The following OPCML variants were observed in gnomAD, a reference collection of about 807,000 sequenced individuals.
OPCML encodes opioid binding protein/cell adhesion molecule like.
Under a neutral mutation model 37.8 loss-of-function variants are expected in OPCML, and 13 were observed. That is an observed-to-expected ratio of 0.34 (90% CI 0.22 to 0.55). The LOEUF (loss-of-function observed/expected upper bound fraction) is 0.55, where lower values mean the gene tolerates loss of function less well. Ranked by LOEUF, OPCML falls within the 20% of genes least tolerant of loss-of-function variation. The pLI is 0.91. For synonymous variants in OPCML, 176 were observed against 168.8 expected, an observed-to-expected ratio of 1.04 and a Z score of -0.33; for missense variants, 341 against 435.6, an observed-to-expected ratio of 0.78 and a Z score of 1.93.
At chr11:133,303,302 C>G (rs1306780050) in intron 1 of OPCML, among the ~76,000 whole-genome samples, 1 of 152,078 alleles carries the variant, frequency 6.6e-6, no homozygotes, top group Non-Finnish European at 1.5e-5. Flanking sequence ...AGTATTTAAG[C>G]ATGTAGATCC....
At chr11:132,769,509 C>T (rs914542300) in intron 2 of OPCML, among the ~76,000 whole-genome samples, 12 of 152,184 alleles carry the variant, frequency 7.9e-5, no homozygotes, top group African/African-American at 2.9e-4. Context: ...TGAACCCTCC[C>T]ATAGCTCACA....
chr11:133,204,000 T>C (rs945616739), intron 1 of OPCML, among the ~76,000 whole-genome samples: 3 of 139,910 alleles, frequency 2.1e-5, no homozygotes, highest in Admixed American at 7.8e-5. Context: ...GGAGCTTGCA[T>C]TGAGCCGAGA....
chr11:133,199,356 T>G (rs1486141954), intron 1 of OPCML, among the ~76,000 whole-genome samples: 2 of 152,248 alleles, frequency 1.3e-5, no homozygotes, highest in Non-Finnish European at 2.9e-5. Flanking sequence ...TATTGTCTTA[T>G]AAGTAATAAA....
In OPCML at chr11:132,592,146, C is replaced by T. The variant is rs145286840; in HGVS notation, c.380-62960G>A. Among the ~76,000 whole-genome samples the T allele has an allele frequency of 7.0e-4, 106 of 152,276 alleles. 1 individual carries two copies. The highest frequency in any genetic ancestry group is 2.3e-3 in the African/African-American group (95 of 41,554). The stretch of plus-strand genomic sequence containing the variant: ...ATCAACTCATCAAGTCAAAGTGAGA[C>T]GGAAGCCTCTCTCTAGGCTTTGTCT... On this transcript the variant is annotated intron_variant, in intron 3 of 7. Coordinates refer to ENST00000524381, the MANE Select transcript of OPCML (RefSeq NM_001012393.5).
chr11:133,192,874 T>TC (rs201032097), intron 1 of OPCML, among the ~76,000 whole-genome samples: 6 of 151,730 alleles, frequency 4.0e-5, no homozygotes, highest in South Asian at 2.1e-4. Context: ...TCTTTTCTTT[T>TC]TTTTTTTTTT....
chr11:133,358,344 T>G (rs1944337729), intron 1 of OPCML, among the ~76,000 whole-genome samples: 1 of 152,204 alleles, frequency 6.6e-6, no homozygotes, highest in African/African-American at 2.4e-5. Flanking sequence ...GGGCTCTGAC[T>G]AGATACTTGA....
intron 1 of OPCML, among the ~76,000 whole-genome samples, chr11:133,274,376 G>A (rs1250105016): frequency 6.6e-6 from 1 of 152,190 alleles, no homozygotes; most frequent in African/African-American, 2.4e-5. Flanking sequence ...AAGACACAGA[G>A]ACAGAGACGT....
At chr11:133,128,836 A>C (rs1435867172) in intron 1 of OPCML, among the ~76,000 whole-genome samples, 5 of 152,100 alleles carry the variant, frequency 3.3e-5, no homozygotes, top group Admixed American at 2.6e-4. Context: ...AGTCAAAATG[A>C]AGCTCTCATG....
intron 2 of OPCML, among the ~76,000 whole-genome samples, chr11:132,673,302 G>A (rs1942557875): frequency 6.6e-6 from 1 of 152,098 alleles, no homozygotes; most frequent in African/African-American, 2.4e-5. Flanking sequence ...TGATGATGAT[G>A]ATGATGATCG....
intron 3 of OPCML, among the ~76,000 whole-genome samples, chr11:132,557,687 C>T (rs1043495032): frequency 6.6e-6 from 1 of 152,166 alleles, no homozygotes; most frequent in Non-Finnish European, 1.5e-5. Flanking sequence ...GAGCACTTCC[C>T]TATATTCTAG....
At position 133,195,874 on chromosome 11, in the gene OPCML, A is replaced by G. The variant is rs530767157; in HGVS notation, c.62-252864T>C. On this transcript the variant is annotated intron_variant, in intron 1 of 7. Coordinates refer to ENST00000524381, the MANE Select transcript of OPCML (RefSeq NM_001012393.5). ...TCACATGAATGATATATATTGCCAT[A>G]CTAAACCAACAATGGTCTTGAAAGG... Among the ~76,000 whole-genome samples, 4 of 152,298 alleles carry G rather than the reference A, an allele frequency of 2.6e-5. No homozygotes were observed. In the South Asian group the frequency reaches 8.3e-4, roughly 32 times the overall value.
At chr11:133,343,601 CCAGGTTATT>C (rs1229569980) in intron 1 of OPCML, among the ~76,000 whole-genome samples, 1 of 152,076 alleles carries the variant, frequency 6.6e-6, no homozygotes, top group African/African-American at 2.4e-5. Flanking sequence ...CTATTCACAA[CCAGGTTATT>C]TACTTCAACA....
intron 4 of OPCML, among the ~76,000 whole-genome samples, chr11:132,483,771 C>A (rs1299370481): frequency 4.0e-5 from 6 of 151,714 alleles, no homozygotes; most frequent in African/African-American, 1.5e-4. Flanking sequence ...CACATATCTA[C>A]AACTATCTGA....
intron 2 of OPCML, among the ~76,000 whole-genome samples, chr11:132,888,710 T>A (rs982210531): frequency 6.6e-6 from 1 of 152,150 alleles, no homozygotes; most frequent in Non-Finnish European, 1.5e-5. Context: ...TTCCCTGAAT[T>A]TGTAGGAATC....
intron 1 of OPCML, among the ~76,000 whole-genome samples, chr11:133,483,747 T>C (rs1947443631): frequency 6.7e-6 from 1 of 148,880 alleles, no homozygotes; most frequent in South Asian, 2.2e-4. Flanking sequence ...GATAGATTCA[T>C]AGATTCATAG....
chr11:132,969,738 A>G, intron 1 of OPCML, among the ~76,000 whole-genome samples: 1 of 152,292 alleles, frequency 6.6e-6, no homozygotes, highest in Admixed American at 6.5e-5. Context: ...ATATTTTTCA[A>G]ATACAGAATT....
rs776576421 is a variant in OPCML at position 132,727,012 on chromosome 11, T to A, written c.147-69693A>T. Among the ~76,000 whole-genome samples the A allele has an allele frequency of 1.2e-4, 18 of 152,318 alleles. No individual in the cohort carries two copies. In the South Asian group the frequency reaches 3.7e-3, roughly 32 times the overall value. ...ATGAGTCCAGCATTCTCTGTGCTCC[T>A]GAAGCTCCTCACACACACTGCACAT... is the stretch of plus-strand genomic sequence containing the variant. On this transcript the variant is annotated intron_variant, in intron 2 of 7. Coordinates refer to ENST00000524381, the MANE Select transcript of OPCML (RefSeq NM_001012393.5).
At chr11:133,507,546 C>T (rs1948061605) in intron 1 of OPCML, among the ~76,000 whole-genome samples, 1 of 152,150 alleles carries the variant, frequency 6.6e-6, no homozygotes, top group Admixed American at 6.5e-5. Context: ...GTCGTAAGCA[C>T]TGACTCTGGG....
rs556550563 is a variant in OPCML, at chr11:133,170,259, G to A, written c.62-227249C>T. ...TGTGAGGCCGAGGCGGGCAGATCAC[G>A]AGGTCAGGAGATGGAGACCATCCTG... is the stretch of plus-strand genomic sequence containing the variant. On this transcript the variant is annotated intron_variant, in intron 1 of 7. Coordinates refer to ENST00000524381, the MANE Select transcript of OPCML (RefSeq NM_001012393.5). Among the ~76,000 whole-genome samples, 504 of 152,298 alleles carry A rather than the reference G, an allele frequency of 3.3e-3. 5 individuals are homozygous for A. The highest frequency in any genetic ancestry group is 0.012 in the African/African-American group (491 of 41,564).
Sources: allele counts gnomAD v4.1 joint callset (sites outside exome capture counted in the v4.1 genomes callset), GRCh38; gene constraint gnomAD v4.1.1; transcripts MANE v1.5; gene names NCBI Gene and HGNC (gene_info 2026-07-23, HGNC 2026-07-21).